Variants in SNTB1 observed in about 807,000 individuals in gnomAD.
The protein encoded by SNTB1 is beta-1-syntrophin.
In SNTB1, 36 loss-of-function variants were observed where a neutral mutation model predicts 48.9. The observed-to-expected ratio is 0.74, with a 90% CI of 0.56 to 0.97. The LOEUF (loss-of-function observed/expected upper bound fraction) is 0.97, where lower values mean the gene tolerates loss of function less well. Among genes scored for constraint, SNTB1 ranks in the 50% least tolerant of loss-of-function variants. The pLI, the probability that SNTB1 is intolerant of heterozygous loss-of-function variation, is 0.00. For missense variants in SNTB1, 786 were observed against 703.4 expected, an observed-to-expected ratio of 1.12 and a Z score of -1.33; for synonymous variants, 299 against 294.6, an observed-to-expected ratio of 1.01 and a Z score of -0.15.
chr8:120,695,530 C>T (rs1002115541), intron 1 of SNTB1, among the ~76,000 whole-genome samples: 3 of 152,106 alleles, frequency 2.0e-5, no homozygotes, highest in Non-Finnish European at 4.4e-5. Context: ...TCTCAGAAAC[C>T]CACCTAAGAT....
intron 3 of SNTB1, among the ~76,000 whole-genome samples, chr8:120,615,858 A>T (rs4871077): frequency 5.3e-5 from 8 of 151,952 alleles, no homozygotes; most frequent in Admixed American, 3.3e-4. Context: ...CTTTCCTACC[A>T]ATTTCTCTCT....
intron 5 of SNTB1, among the ~76,000 whole-genome samples, chr8:120,546,658 C>T (rs1365781341): frequency 5.9e-5 from 9 of 152,078 alleles, no homozygotes; most frequent in East Asian, 5.8e-4. Flanking sequence ...TTAGTAGAGA[C>T]GGGGTTTCAC....
intron 5 of SNTB1, among the ~76,000 whole-genome samples, chr8:120,547,178 T>G (rs1271413665): frequency 2.0e-5 from 3 of 152,228 alleles, no homozygotes; most frequent in African/African-American, 7.2e-5. Flanking sequence ...ACACACACAG[T>G]GCAATCAAAA....
At chr8:120,762,897 T>A (rs574157400) in intron 1 of SNTB1, among the ~76,000 whole-genome samples, 3 of 152,258 alleles carry the variant, frequency 2.0e-5, no homozygotes, top group South Asian at 4.1e-4. Context: ...ACTTAAACTT[T>A]CAAAAAATGC....
rs542114539 is a variant in SNTB1, at chr8:120,554,851, A to C, written c.1137-5893T>G. Among the ~76,000 whole-genome samples the C allele has an allele frequency of 2.0e-5, 3 of 152,300 alleles. No individual in the cohort carries two copies. In the South Asian group the frequency reaches 6.2e-4, roughly 32 times the overall value. The stretch of plus-strand genomic sequence containing the variant: ...GATAGCAAAGATGCTGAGACCCGCC[A>C]GTTGAAGTTATAGGATCTTTTTGGA... On this transcript the variant is annotated intron_variant, in intron 4 of 6. Transcript: ENST00000517992.
chr8:120,587,582 C>T (rs1816168879), intron 3 of SNTB1, among the ~76,000 whole-genome samples: 1 of 152,320 alleles, frequency 6.6e-6, no homozygotes, highest in South Asian at 2.1e-4. Flanking sequence ...TCTTGCTGAA[C>T]TCTGAGCAAC....
At chr8:120,783,817 CA>C (rs1819870719) in intron 1 of SNTB1, among the ~76,000 whole-genome samples, 1 of 151,994 alleles carries the variant, frequency 6.6e-6, no homozygotes, top group Non-Finnish European at 1.5e-5. Context: ...ATAGATAAAA[CA>C]AAAATTTTTT....
intron 2 of SNTB1, among the ~76,000 whole-genome samples, chr8:120,684,593 T>C (rs979895945): frequency 6.6e-6 from 1 of 150,452 alleles, no homozygotes; most frequent in Non-Finnish European, 1.5e-5. Flanking sequence ...AAGGGAAAAA[T>C]AGGAAGAAAG....
chr8:120,571,292 T>G (rs997724485), intron 4 of SNTB1: 2 of 1,287,982 alleles, frequency 1.6e-6, no homozygotes, highest in African/African-American at 3.0e-5. Flanking sequence ...ATCCAGTGAC[T>G]GTGGTCTAAT....
chr8:120,651,195 C>T (rs184954139), intron 2 of SNTB1, among the ~76,000 whole-genome samples: 3 of 152,246 alleles, frequency 2.0e-5, no homozygotes, highest in Admixed American at 6.5e-5. Flanking sequence ...GGCTATAGTC[C>T]AACTCCCTTC....
intron 2 of SNTB1, among the ~76,000 whole-genome samples, chr8:120,661,010 T>C (rs1175154741): frequency 2.0e-5 from 3 of 152,058 alleles, no homozygotes; most frequent in Non-Finnish European, 2.9e-5. Context: ...CCTAAAACAA[T>C]TACAACAGTA....
At chr8:120,587,847 G>A (rs1816173731) in intron 3 of SNTB1, among the ~76,000 whole-genome samples, 1 of 152,082 alleles carries the variant, frequency 6.6e-6, no homozygotes. Flanking sequence ...CTCTCGATGT[G>A]GTGGGGGAAG....
At chr8:120,671,251 G>A (rs955236046) in intron 2 of SNTB1, among the ~76,000 whole-genome samples, 3 of 152,128 alleles carry the variant, frequency 2.0e-5, no homozygotes, top group African/African-American at 7.2e-5. Flanking sequence ...ATAATGGGTT[G>A]AATAGTGTCC....
chr8:120,747,999 T>G (rs1471684512), intron 1 of SNTB1, among the ~76,000 whole-genome samples: 1 of 152,230 alleles, frequency 6.6e-6, no homozygotes, highest in Non-Finnish European at 1.5e-5. Flanking sequence ...AGATATATTA[T>G]GCATTGCTAG....
rs1818167589 is a variant in SNTB1, at chr8:120,693,861, C to A, written c.619G>T (p.Val207Leu). ...ATPYVKKGSP[V>L]SEIGWETPPP... ...GGTGTTTCCCACCCAATCTCGGATA[C>A]TGGGGATCCTTTCTTCACATAGGGC... The change falls in exon 2 of 7, where the codon GTA becomes TTA. Residue 207 changes from valine (V) to leucine (L), a missense_variant. Coordinates refer to ENST00000517992, the MANE Select transcript of SNTB1 (RefSeq NM_021021.4). The A allele has an allele frequency of 1.2e-6, 2 of 1,614,026 alleles. No homozygotes were observed. Among genetic ancestry groups the A allele is most frequent in the South Asian group, 2.2e-5 (2 of 91,080 alleles).
intron 3 of SNTB1, among the ~76,000 whole-genome samples, chr8:120,598,797 C>T (rs1563827944): frequency 6.6e-6 from 1 of 152,200 alleles, no homozygotes; most frequent in Non-Finnish European, 1.5e-5. Context: ...CTCTTCCTAG[C>T]TTCTAGAGCT....
chr8:120,751,482 T>C (rs563382347), intron 1 of SNTB1, among the ~76,000 whole-genome samples: 1 of 152,130 alleles, frequency 6.6e-6, no homozygotes, highest in African/African-American at 2.4e-5. Context: ...TACTTTTTTT[T>C]TGTGCAAGAA....
chr8:120,652,383 A>T (rs904856881), intron 2 of SNTB1, among the ~76,000 whole-genome samples: 3 of 152,178 alleles, frequency 2.0e-5, no homozygotes, highest in Admixed American at 1.3e-4. Context: ...AAAGTGATAG[A>T]GAGTAAAGAA....
rs1231450252 is a variant in SNTB1 at position 120,538,130 on chromosome 8, A to T, written c.*747T>A. ...ACCTTGGTGTGAGTATAGTCCCAGA[A>T]TTAATCATCCTTTGTGCATACAACT... On this transcript the variant is annotated 3_prime_UTR_variant, in exon 7 of 7. Coordinates refer to ENST00000517992, the MANE Select transcript of SNTB1 (RefSeq NM_021021.4). 2.0e-5 allele frequency: 3 copies of T among 153,828 alleles called. No individual in the cohort carries two copies. The highest frequency in any genetic ancestry group is 7.2e-5 in the African/African-American group (3 of 41,470). The allele number at this position is 153,828 out of a possible 1,614,324, so 9.5% of individuals were successfully genotyped here. A position where few individuals can be genotyped will look rare whatever the true frequency, so the allele number is the denominator to read the frequency against.
Sources: gnomAD v4.1 joint callset for allele counts (sites outside exome capture counted in the v4.1 genomes callset) on GRCh38, gnomAD v4.1.1 for gene constraint, MANE v1.5 for transcripts, NCBI Gene and HGNC (gene_info 2026-07-23, HGNC 2026-07-21) for gene names.